The following SDC2 variants were observed in gnomAD, a reference collection of about 807,000 sequenced individuals.
The protein encoded by SDC2 is syndecan 2.
In SDC2, 13 loss-of-function variants were observed where a neutral mutation model predicts 22.2. The observed-to-expected ratio is 0.59, with a 90% CI of 0.38 to 0.93. SDC2 has a LOEUF of 0.93. Ranked by LOEUF, SDC2 falls within the 40% of genes least tolerant of loss-of-function variation. The pLI is 0.00. For missense variants in SDC2, 235 were observed against 246.8 expected (o/e 0.95, Z 0.32); for synonymous variants, 94 against 92.8 (o/e 1.01, Z -0.07).
At chr8:96,557,675 A>G (rs1187525124) in intron 1 of SDC2, among the ~76,000 whole-genome samples, 1 of 152,184 alleles carries the variant, frequency 6.6e-6, no homozygotes, top group Non-Finnish European at 1.5e-5. Flanking sequence ...ACCTAATGGT[A>G]GATGACGAGT....
chr8:96,502,313 T>C (rs1324045783), intron 1 of SDC2, among the ~76,000 whole-genome samples: 1 of 152,180 alleles, frequency 6.6e-6, no homozygotes, highest in African/African-American at 2.4e-5. Flanking sequence ...TATCTCCACC[T>C]GGCCCCGCCC....
At chr8:96,562,477 A>G (rs1814226259) in intron 1 of SDC2, among the ~76,000 whole-genome samples, 1 of 152,136 alleles carries the variant, frequency 6.6e-6, no homozygotes, top group African/African-American at 2.4e-5. Context: ...TCCCTGTGGG[A>G]CTTGGTAGCT....
chr8:96,577,479 T>C (rs751380402), intron 1 of SDC2, among the ~76,000 whole-genome samples: 7 of 152,164 alleles, frequency 4.6e-5, no homozygotes, highest in Non-Finnish European at 8.8e-5. Context: ...GTGTTCCATA[T>C]ACCCCCCATG....
intron 1 of SDC2, among the ~76,000 whole-genome samples, chr8:96,542,943 T>C (rs1432941465): frequency 6.6e-6 from 1 of 152,066 alleles, no homozygotes; most frequent in Non-Finnish European, 1.5e-5. Flanking sequence ...AGGGGGAACA[T>C]ATAGAGAGGA....
chr8:96,518,411 A>C (rs1408194320), intron 1 of SDC2, among the ~76,000 whole-genome samples: 1 of 142,088 alleles, frequency 7.0e-6, no homozygotes, highest in Non-Finnish European at 1.5e-5. Flanking sequence ...CGCAGGCTGG[A>C]GTGCAGTGGC....
chr8:96,536,856 A>G (rs1418103267), intron 1 of SDC2, among the ~76,000 whole-genome samples: 1 of 152,216 alleles, frequency 6.6e-6, no homozygotes, highest in Non-Finnish European at 1.5e-5. Context: ...TTGGAGACTC[A>G]GTCTGCTGTT....
intron 1 of SDC2, among the ~76,000 whole-genome samples, chr8:96,542,503 T>G (rs537101779): frequency 1.3e-5 from 2 of 152,288 alleles, no homozygotes; most frequent in African/African-American, 4.8e-5. Context: ...GGCTAGATAG[T>G]CTTCTGTTTA....
At chr8:96,605,952 T>C (rs906430377) in intron 3 of SDC2, among the ~76,000 whole-genome samples, 2 of 152,200 alleles carry the variant, frequency 1.3e-5, no homozygotes, top group African/African-American at 4.8e-5. Flanking sequence ...TCTTACACTC[T>C]TTAAGCCTCT....
At chr8:96,567,081 T>C (rs1269587957) in intron 1 of SDC2, among the ~76,000 whole-genome samples, 1 of 152,254 alleles carries the variant, frequency 6.6e-6, no homozygotes, top group Non-Finnish European at 1.5e-5. Context: ...CTGGAACTCC[T>C]CACCTCAAGT....
At chr8:96,502,565 C>A (rs1271678145) in intron 1 of SDC2, among the ~76,000 whole-genome samples, 2 of 147,436 alleles carry the variant, frequency 1.4e-5, no homozygotes, top group East Asian at 3.9e-4. Flanking sequence ...TGGCCTGGAT[C>A]TCCATTTCCA....
chr8:96,521,266 G>C (rs1813493851), intron 1 of SDC2, among the ~76,000 whole-genome samples: 1 of 152,204 alleles, frequency 6.6e-6, no homozygotes, highest in Non-Finnish European at 1.5e-5. Context: ...GGGATATTCA[G>C]ATTTTTCTTT....
At chr8:96,548,533 G>A (rs1349459153) in intron 1 of SDC2, among the ~76,000 whole-genome samples, 1 of 152,238 alleles carries the variant, frequency 6.6e-6, no homozygotes, top group Non-Finnish European at 1.5e-5. Flanking sequence ...GCTGCAGATA[G>A]ATGATATGAT....
At chr8:96,552,831 G>A (rs1814048952) in intron 1 of SDC2, among the ~76,000 whole-genome samples, 1 of 152,104 alleles carries the variant, frequency 6.6e-6, no homozygotes, top group Non-Finnish European at 1.5e-5. Flanking sequence ...CCTCCCCCAG[G>A]TTAGGAGACT....
At chr8:96,506,214 A>C (rs1813236147) in intron 1 of SDC2, among the ~76,000 whole-genome samples, 1 of 152,208 alleles carries the variant, frequency 6.6e-6, no homozygotes, top group African/African-American at 2.4e-5. Flanking sequence ...TCAAAGAAAG[A>C]CTTCCAAGTG....
intron 1 of SDC2, among the ~76,000 whole-genome samples, chr8:96,505,356 T>C (rs1004244794): frequency 1.3e-5 from 2 of 152,070 alleles, no homozygotes; most frequent in African/African-American, 4.8e-5. Flanking sequence ...CAGGCTGGAG[T>C]GCAGTGGTGC....
chr8:96,595,793 C>A (rs1814864649), intron 2 of SDC2, among the ~76,000 whole-genome samples: 1 of 152,180 alleles, frequency 6.6e-6, no homozygotes, highest in Admixed American at 6.5e-5. Flanking sequence ...AGACCCCCTG[C>A]CCCCATCCAG....
At chr8:96,598,553 G>A (rs751027821) in intron 2 of SDC2, among the ~76,000 whole-genome samples, 65 of 152,150 alleles carry the variant, frequency 4.3e-4, no homozygotes, top group Non-Finnish European at 8.8e-4. Flanking sequence ...GGGAGGCGGA[G>A]GTTGCAGTGA....
In SDC2 at chr8:96,527,375, C is replaced by T. The variant is rs114144868; in HGVS notation, c.60+33044C>T. ...ACAGACATCATAGGAGACTCCTAAT[C>T]CTCTCCCTGCCTCTGGTGGGTGCAT... On this transcript the variant is annotated intron_variant, in intron 1 of 4. Coordinates refer to ENST00000302190, the MANE Select transcript of SDC2 (RefSeq NM_002998.4). Among the ~76,000 whole-genome samples, 305 of 152,330 alleles carry T rather than the reference C, an allele frequency of 2.0e-3. 1 individual carries two copies. Among genetic ancestry groups the T allele is most frequent in the African/African-American group, 7.2e-3 (298 of 41,574 alleles).
intron 1 of SDC2, among the ~76,000 whole-genome samples, chr8:96,566,543 A>G (rs1814301547): frequency 6.6e-6 from 1 of 152,172 alleles, no homozygotes; most frequent in Non-Finnish European, 1.5e-5. Flanking sequence ...AGAGGATCTT[A>G]TCATAACTCT....
Sources: gnomAD v4.1 joint callset for allele counts (sites outside exome capture counted in the v4.1 genomes callset) on GRCh38, gnomAD v4.1.1 for gene constraint, MANE v1.5 for transcripts, NCBI Gene and HGNC (gene_info 2026-07-23, HGNC 2026-07-21) for gene names.